Variants in PRKCQ observed in about 807,000 individuals in gnomAD.
PRKCQ encodes protein kinase C theta.
In PRKCQ, 41 loss-of-function variants were observed where a neutral mutation model predicts 91.2. The ratio of observed to expected loss-of-function variants is 0.45; its 90% CI spans 0.35 to 0.58. The LOEUF (loss-of-function observed/expected upper bound fraction) is 0.58, where lower values mean the gene tolerates loss of function less well. Among genes scored for constraint, PRKCQ ranks in the 20% least tolerant of loss-of-function variants. The pLI is 0.00. For missense variants in PRKCQ, 673 were observed against 896.5 expected, an observed-to-expected ratio of 0.75 and a Z score of 3.18; for synonymous variants, 307 against 316.9, an observed-to-expected ratio of 0.97 and a Z score of 0.33.
At chr10:6,492,513 A>C (rs962356575) in intron 7 of PRKCQ, among the ~76,000 whole-genome samples, 1 of 152,182 alleles carries the variant, frequency 6.6e-6, no homozygotes, top group Non-Finnish European at 1.5e-5. Context: ...CAGAGAAGGT[A>C]AGAAACTTGC....
At chr10:6,492,398 C>A (rs1837365333) in intron 7 of PRKCQ, among the ~76,000 whole-genome samples, 1 of 152,208 alleles carries the variant, frequency 6.6e-6, no homozygotes, top group Non-Finnish European at 1.5e-5. Flanking sequence ...AAATATGTCA[C>A]ACGCATCATC....
intron 5 of PRKCQ, among the ~76,000 whole-genome samples, 194 bp downstream of exon 5, chr10:6,498,202 C>T (rs1238310265): frequency 6.6e-6 from 1 of 152,052 alleles, no homozygotes; most frequent in African/African-American, 2.4e-5. Flanking sequence ...CTGACTAGAC[C>T]TGGCTTCCTC....
intron 1 of PRKCQ, among the ~76,000 whole-genome samples, chr10:6,526,994 A>T (rs960828389): frequency 6.6e-6 from 1 of 152,190 alleles, no homozygotes; most frequent in Non-Finnish European, 1.5e-5. Flanking sequence ...GTACCAAGCC[A>T]CTGAAGATGA....
At chr10:6,504,429 C>T (rs1045809608) in intron 4 of PRKCQ, among the ~76,000 whole-genome samples, 3 of 152,192 alleles carry the variant, frequency 2.0e-5, no homozygotes, top group Non-Finnish European at 2.9e-5. Flanking sequence ...GGCTGTTCTC[C>T]CCACAGCCCT....
In PRKCQ at chr10:6,507,694, A is replaced by T. The variant is rs546447386; in HGVS notation, c.319-198T>A. ...CGCCTTTCTTTTCTTAAAACATCCCAGCAATTCATTAATTTTATTTGGAGA... is the reference window on the plus strand; with the variant it reads ...CGCCTTTCTTTTCTTAAAACATCCCTGCAATTCATTAATTTTATTTGGAGA... On this transcript the variant is annotated intron_variant, in intron 3 of 17. Transcript: ENST00000263125. Among the ~76,000 whole-genome samples the T allele has an allele frequency of 1.6e-4, 24 of 152,332 alleles. No homozygotes were observed. The South Asian group carries it at 5.0e-3, about 32-fold the overall frequency.
intron 10 of PRKCQ, among the ~76,000 whole-genome samples, chr10:6,484,180 G>A (rs1033018836): frequency 7.2e-5 from 11 of 152,178 alleles, no homozygotes. Flanking sequence ...TCGGGAGGCC[G>A]AGGTGGGCGG....
At chr10:6,397,210 C>T in the PRKCQ span, among the ~76,000 whole-genome samples, 155 of 152,220 alleles carry the variant, frequency 1.0e-3, no homozygotes, top group African/African-American at 3.3e-3. Context: ...GATTCTCTTG[C>T]GTCAGCCTCC....
At chr10:6,429,078 A>T (rs1257575467) in intron 17 of PRKCQ, among the ~76,000 whole-genome samples, 2 of 152,258 alleles carry the variant, frequency 1.3e-5, no homozygotes, top group Admixed American at 1.3e-4. Flanking sequence ...AGAAAGTGCT[A>T]TGAACACAGA....
intron 2 of PRKCQ, among the ~76,000 whole-genome samples, chr10:6,513,092 G>T (rs1406889099): frequency 2.6e-5 from 4 of 152,112 alleles, no homozygotes; most frequent in Non-Finnish European, 5.9e-5. Flanking sequence ...CATTCGCCAC[G>T]TTTGTAATCA....
rs1433189945 is a variant in PRKCQ, at chr10:6,484,246, T to TCTA, written c.1019-649_1019-647dup. ...CTGGGCGACATGGTGAAGCCCCATC[T>TCTA]CTACTAAAATACAAAGAATTCGCTG... On this transcript the variant is annotated intron_variant, in intron 10 of 17. Coordinates refer to ENST00000263125, the MANE Select transcript of PRKCQ (RefSeq NM_006257.5). 8.5e-5 allele frequency among the ~76,000 whole-genome samples: 13 copies of TCTA among 152,284 alleles called. 1 individual carries two copies. In the South Asian group the frequency reaches 2.5e-3, roughly 29 times the overall value.
In PRKCQ at chr10:6,555,999, A is replaced by G. The variant is rs1185916793; in HGVS notation, c.-10+24212T>C. Among the ~76,000 whole-genome samples the G allele has an allele frequency of 3.9e-5, 6 of 152,104 alleles. No homozygotes were observed. In the East Asian group the frequency reaches 1.2e-3, roughly 29 times the overall value. On this transcript the variant is annotated intron_variant, in intron 1 of 17. Transcript: ENST00000263125. ...ACTGAAGCCTGGGTAACAGAGCGAG[A>G]CTCTGCCTCAAAAAACCAACAAACA... is the stretch of plus-strand genomic sequence containing the variant.
At chr10:6,527,730 G>A (rs1839248051) in intron 1 of PRKCQ, among the ~76,000 whole-genome samples, 2 of 152,046 alleles carry the variant, frequency 1.3e-5, no homozygotes, top group African/African-American at 4.8e-5. Flanking sequence ...AATGACAAAA[G>A]GCCCCGAGCT....
At position 6,430,809 on chromosome 10, in the gene PRKCQ, C is replaced by T; in HGVS notation, c.1965+1G>A. On this transcript the variant is annotated splice_donor_variant, in intron 17 of 17. Coordinates refer to ENST00000263125, the MANE Select transcript of PRKCQ (RefSeq NM_006257.5). LOFTEE classifies it high-confidence loss of function. This position sits in a 1 kb window ranked among gnomAD's most constrained non-coding sequence, Gnocchi z 4.7. ...CAAGCGGCCCATGAGCGAGTCCTTA[C>T]CACTTTCGGCCGGAACGGTGGGTCA... 1 of 1,613,666 alleles carries T rather than the reference C, an allele frequency of 6.2e-7. No individual in the cohort carries two copies. Among genetic ancestry groups the T allele is most frequent in the Non-Finnish European group, 8.5e-7 (1 of 1,179,704 alleles).
intron 7 of PRKCQ, among the ~76,000 whole-genome samples, chr10:6,493,704 G>A (rs1311431462): frequency 2.6e-5 from 4 of 152,188 alleles, no homozygotes; most frequent in Non-Finnish European, 4.4e-5. Context: ...TCTGGGAGGT[G>A]AAAATTTGAT....
chr10:6,461,476 T>C (rs1223469839), intron 14 of PRKCQ, among the ~76,000 whole-genome samples: 1 of 152,256 alleles, frequency 6.6e-6, no homozygotes, highest in Non-Finnish European at 1.5e-5. Flanking sequence ...TCTTAATCTA[T>C]GATTTTGTAG....
At chr10:6,562,036 G>A (rs1322380171) in intron 1 of PRKCQ, among the ~76,000 whole-genome samples, 1 of 152,148 alleles carries the variant, frequency 6.6e-6, no homozygotes, top group Non-Finnish European at 1.5e-5. Context: ...TTACAACATT[G>A]TCAGTTCAAA....
At chr10:6,527,523 C>A (rs182152058) in intron 1 of PRKCQ, among the ~76,000 whole-genome samples, 4 of 152,178 alleles carry the variant, frequency 2.6e-5, no homozygotes, top group Non-Finnish European at 5.9e-5. Context: ...ATCCCTGTAC[C>A]CCAGGAAGAA....
At chr10:6,411,052 GC>G in the PRKCQ span, among the ~76,000 whole-genome samples, 1 of 151,574 alleles carries the variant, frequency 6.6e-6, no homozygotes, top group Admixed American at 6.6e-5. Context: ...GACGATTAGA[GC>G]TAGCACGCTG....
intron 1 of PRKCQ, among the ~76,000 whole-genome samples, chr10:6,566,926 T>C (rs948250747): frequency 1.3e-5 from 2 of 152,110 alleles, no homozygotes; most frequent in Non-Finnish European, 2.9e-5. Context: ...TAAAATATGA[T>C]ATGAACGTTT....
Sources: allele counts gnomAD v4.1 joint callset (sites outside exome capture counted in the v4.1 genomes callset), GRCh38; gene constraint gnomAD v4.1.1; non-coding constraint Gnocchi (gnomAD v3.1); transcripts MANE v1.5; gene names NCBI Gene and HGNC (gene_info 2026-07-23, HGNC 2026-07-21).